PRDM11: variants seen among roughly 807,000 people sequenced by gnomAD.
PRDM11 encodes the protein PR domain-containing protein 11.
A neutral mutation model predicts 97.8 loss-of-function variants in PRDM11; 20 were observed. The observed-to-expected ratio is 0.20, with a 90% CI of 0.14 to 0.30. PRDM11 has a LOEUF of 0.30. PRDM11 is among the 10% of genes least tolerant of loss of function. PRDM11 has a pLI of 1.00. For synonymous variants in PRDM11, 599 were observed against 637.7 expected, an observed-to-expected ratio of 0.94 and a Z score of 0.91; for missense variants, 1,139 against 1,555.2, an observed-to-expected ratio of 0.73 and a Z score of 4.50.
At chr11:45,107,779 G>T (rs910986611) in intron 1 of PRDM11, among the ~76,000 whole-genome samples, 1 of 151,910 alleles carries the variant, frequency 6.6e-6, no homozygotes, top group Non-Finnish European at 1.5e-5. Flanking sequence ...ATACATAAAG[G>T]CTCCAGCACA....
chr11:45,228,022 C>T lies in PRDM11; in HGVS notation c.3397C>T (p.Leu1133=). Residue 1133 remains leucine (L), a synonymous_variant, in exon 8 of 8, where the codon CTG becomes TTG. Coordinates refer to ENST00000683152, the MANE Select transcript of PRDM11 (RefSeq NM_001384648.1). ...PITNFDAKRA[L]DSWFEEKSGN... ...CACCAACTTTGATGCCAAGCGAGCC[C>T]TGGACAGCTGGTTTGAGGAGAAGTC... 6.5e-7 allele frequency: 1 copy of T among 1,533,732 alleles called. No individual in the cohort carries two copies.
Position 45,229,601 on chromosome 11 carries a change from T to A in PRDM11, c.*1442T>A, listed in dbSNP as rs1854359264. 1 of 152,226 alleles carries A rather than the reference T, an allele frequency of 6.6e-6. No homozygotes were observed. The highest frequency in any genetic ancestry group is 2.4e-5 in the African/African-American group (1 of 41,452). 9.4% of individuals were successfully genotyped at this position (152,226 alleles called of 1,614,324 possible). A position where few individuals can be genotyped will look rare whatever the true frequency, so the allele number is the denominator to read the frequency against. On this transcript the variant is annotated 3_prime_UTR_variant, in exon 8 of 8. Transcript: ENST00000683152. ...AGTAGTGGTTTAAACTAGAGGAGTCTGATCAATGCTCTTTCATTCATTTAA... is the reference window on the plus strand; with the variant it reads ...AGTAGTGGTTTAAACTAGAGGAGTCAGATCAATGCTCTTTCATTCATTTAA...
At position 45,233,403 on chromosome 11, in the gene PRDM11, G is replaced by T. The variant is rs1332236895; in HGVS notation, c.*5244G>T. ...ATACCCCCTGAGCTCCAGCTGAGGT[G>T]CCCCCTACCTCTCCCCACCCCCACA... On this transcript the variant is annotated 3_prime_UTR_variant, in exon 8 of 8. Coordinates refer to ENST00000683152, the MANE Select transcript of PRDM11 (RefSeq NM_001384648.1). 6.6e-6 allele frequency: 1 copy of T among 152,216 alleles called. No homozygotes were observed. The highest frequency in any genetic ancestry group is 1.5e-5 in the Non-Finnish European group (1 of 68,160). 9.4% of individuals were successfully genotyped at this position (152,216 alleles called of 1,614,324 possible).
At chr11:45,157,044 C>T (rs575628024) in intron 1 of PRDM11, among the ~76,000 whole-genome samples, 3 of 151,126 alleles carry the variant, frequency 2.0e-5, no homozygotes, top group East Asian at 3.9e-4. Flanking sequence ...AGACTTTGCC[C>T]TGGAGGCACG....
intron 1 of PRDM11, among the ~76,000 whole-genome samples, chr11:45,154,477 T>G (rs1230676052): frequency 6.6e-6 from 1 of 152,116 alleles, no homozygotes; most frequent in East Asian, 1.9e-4. Flanking sequence ...ACCCGGAGCC[T>G]CCGCTGAAAT....
intron 1 of PRDM11, among the ~76,000 whole-genome samples, chr11:45,151,403 TG>T (rs1851656535): frequency 6.6e-6 from 1 of 152,262 alleles, no homozygotes; most frequent in Non-Finnish European, 1.5e-5. Context: ...GTATCTGTGT[TG>T]AAAAGGCCAA....
At chr11:45,186,076 T>C (rs1852693916) in intron 4 of PRDM11, among the ~76,000 whole-genome samples, 1 of 152,168 alleles carries the variant, frequency 6.6e-6, no homozygotes, top group Admixed American at 6.5e-5. Context: ...CCTGAAAGAA[T>C]GTGGCCCTGC....
At chr11:45,182,749 C>T in intron 3 of PRDM11, 112 bp from the exon 4 acceptor site, 1 of 1,313,888 alleles carries the variant, frequency 7.6e-7, no homozygotes, top group East Asian at 2.3e-5. Flanking sequence ...GACCCTGGGG[C>T]CTGCAGCTGG....
chr11:45,154,439 G>T (rs1428898074), intron 1 of PRDM11, among the ~76,000 whole-genome samples: 3 of 152,174 alleles, frequency 2.0e-5, no homozygotes, highest in Non-Finnish European at 2.9e-5. Flanking sequence ...AACCTCACAG[G>T]TCAGAAGTTG....
intron 1 of PRDM11, among the ~76,000 whole-genome samples, chr11:45,178,143 C>CCCTTCTCTCCT (rs1852374259): frequency 1.3e-5 from 2 of 151,906 alleles, no homozygotes; most frequent in Non-Finnish European, 2.9e-5. Flanking sequence ...TCTCTTTTCT[C>CCCTTCTCTCCT]CCTTCTCTCC....
chr11:45,125,635 T>C (rs899120132), intron 1 of PRDM11, among the ~76,000 whole-genome samples: 8 of 152,316 alleles, frequency 5.3e-5, no homozygotes, highest in East Asian at 1.9e-4. Context: ...TCAGTTTCCA[T>C]GTAGTTGAGC....
At chr11:45,186,857 A>G (rs1852723457) in intron 4 of PRDM11, among the ~76,000 whole-genome samples, 1 of 152,226 alleles carries the variant, frequency 6.6e-6, no homozygotes, top group Admixed American at 6.5e-5. Flanking sequence ...GCTGGTCCAC[A>G]GTAGACCTTG....
At chr11:45,098,083 A>G (rs1027603830) in intron 1 of PRDM11, among the ~76,000 whole-genome samples, 1 of 152,232 alleles carries the variant, frequency 6.6e-6, no homozygotes, top group Non-Finnish European at 1.5e-5. Flanking sequence ...GCTCTTCAGC[A>G]CCATGGACAG....
At chr11:45,197,991 G>A (rs1853191303) in intron 4 of PRDM11, among the ~76,000 whole-genome samples, 1 of 152,116 alleles carries the variant, frequency 6.6e-6, no homozygotes, top group African/African-American at 2.4e-5. Context: ...TGCATGTTGT[G>A]CACATGTACC....
At chr11:45,184,750 C>T (rs1485864207) in intron 4 of PRDM11, among the ~76,000 whole-genome samples, 2 of 151,998 alleles carry the variant, frequency 1.3e-5, no homozygotes, top group African/African-American at 4.8e-5. Context: ...GTGGTGATGT[C>T]AAGTAGGCAG....
chr11:45,224,087 C>A, intron 6 of PRDM11, 130 bp from the exon 7 acceptor site: 9 of 1,115,996 alleles, frequency 8.1e-6, no homozygotes, highest in Non-Finnish European at 1.0e-5. Flanking sequence ...CCCTTTGCAA[C>A]ACTTGCCCCA....
Position 45,231,419 on chromosome 11 carries a change from T to C in PRDM11, c.*3260T>C, listed in dbSNP as rs1854397253. 6.6e-6 allele frequency: 1 copy of C among 152,096 alleles called. No homozygotes were observed. Among genetic ancestry groups the C allele is most frequent in the Non-Finnish European group, 1.5e-5 (1 of 68,050 alleles). 9.4% of individuals were successfully genotyped at this position (152,096 alleles called of 1,614,324 possible). Reference sequence around the variant, plus strand: ...TGTATACAGAACTGTGGAAAAGCAGTTGGTGGATCCCAAATGTTGTTACTT... The same window carrying C: ...TGTATACAGAACTGTGGAAAAGCAGCTGGTGGATCCCAAATGTTGTTACTT... On this transcript the variant is annotated 3_prime_UTR_variant, in exon 8 of 8. Coordinates refer to ENST00000683152, the MANE Select transcript of PRDM11 (RefSeq NM_001384648.1).
chr11:45,150,594 G>A (rs1181438836), intron 1 of PRDM11, among the ~76,000 whole-genome samples: 1 of 152,202 alleles, frequency 6.6e-6, no homozygotes, highest in Non-Finnish European at 1.5e-5. Context: ...GGCTTGTAGA[G>A]TACAGATGGT....
At chr11:45,160,490 G>A (rs1590392754) in intron 1 of PRDM11, among the ~76,000 whole-genome samples, 1 of 152,124 alleles carries the variant, frequency 6.6e-6, no homozygotes. Flanking sequence ...ATAGGAATAC[G>A]TACCACTGCA....
Sources: allele counts gnomAD v4.1 joint callset (sites outside exome capture counted in the v4.1 genomes callset), GRCh38; gene constraint gnomAD v4.1.1; transcripts MANE v1.5; gene names NCBI Gene and HGNC (gene_info 2026-07-23, HGNC 2026-07-21).